KCNH8: variants seen among roughly 807,000 people sequenced by gnomAD.
KCNH8 encodes the protein voltage-gated delayed rectifier potassium channel KCNH8.
Under a neutral mutation model 103.6 loss-of-function variants are expected in KCNH8, and 70 were observed. That is an observed-to-expected ratio of 0.68 (90% confidence interval 0.56 to 0.82). KCNH8 has a LOEUF of 0.82. Among genes scored for constraint, KCNH8 ranks in the 40% least tolerant of loss-of-function variants. The pLI, the probability that KCNH8 is intolerant of heterozygous loss-of-function variation, is 0.00. For missense variants in KCNH8, 1,217 were observed against 1,329.9 expected, an observed-to-expected ratio of 0.92 and a Z score of 1.32; for synonymous variants, 498 against 489.4, an observed-to-expected ratio of 1.02 and a Z score of -0.23.
chr3:19,152,762 C>A lies in KCNH8; in HGVS notation c.76+3967C>A, dbSNP rs558455717. On this transcript the variant is annotated intron_variant, in intron 1 of 15. Transcript: ENST00000328405. ...ACCAGCCTGGCTGACATGGTGAAAC[C>A]CCATTTCTACTAAAAATACAAAAAT... 1.5e-3 allele frequency among the ~76,000 whole-genome samples: 232 copies of A among 152,046 alleles called. 3 individuals are homozygous for A. Among genetic ancestry groups the A allele is most frequent in the African/African-American group, 4.9e-3 (203 of 41,490 alleles).
chr3:19,320,446 T>A (rs1328687079), intron 3 of KCNH8, among the ~76,000 whole-genome samples: 5 of 152,094 alleles, frequency 3.3e-5, no homozygotes, highest in African/African-American at 4.8e-5. Context: ...ATTCTGTTTA[T>A]GTGGTGTATC....
At chr3:19,269,066 A>G (rs1220300460) in intron 2 of KCNH8, among the ~76,000 whole-genome samples, 2 of 152,106 alleles carry the variant, frequency 1.3e-5, no homozygotes, top group African/African-American at 4.8e-5. Flanking sequence ...ATGAAGGACT[A>G]GGGTGTGGAT....
rs548485515 is a variant in KCNH8, at chr3:19,497,568, G to T, written c.2041-12795G>T. On this transcript the variant is annotated intron_variant, in intron 11 of 15. Transcript: ENST00000328405. ...TATGGTTTTGAGAGATTTTCTTAAT[G>T]TTGATTTCTGTTTTTATGCACTGTG... 6.6e-5 allele frequency among the ~76,000 whole-genome samples: 10 copies of T among 152,240 alleles called. No homozygotes were observed. In the East Asian group the frequency reaches 1.4e-3, roughly 21 times the overall value.
intron 2 of KCNH8, among the ~76,000 whole-genome samples, chr3:19,279,446 C>T (rs546797028): frequency 6.6e-6 from 1 of 152,002 alleles, no homozygotes; most frequent in East Asian, 1.9e-4. Context: ...CGTTTCATGG[C>T]TAGTTAGTAT....
intron 1 of KCNH8, among the ~76,000 whole-genome samples, chr3:19,195,208 T>C (rs894362222): frequency 6.6e-6 from 1 of 151,842 alleles, no homozygotes; most frequent in Admixed American, 6.6e-5. Flanking sequence ...ATTATCTACA[T>C]CTGTGCCCTA....
intron 5 of KCNH8, among the ~76,000 whole-genome samples, chr3:19,361,189 A>G (rs553089855): frequency 4.6e-5 from 7 of 152,246 alleles, no homozygotes; most frequent in African/African-American, 1.7e-4. Context: ...TTGAGTGGGG[A>G]AAAACAACAA....
chr3:19,290,134 A>T (rs1054585324), intron 3 of KCNH8, among the ~76,000 whole-genome samples: 1 of 152,196 alleles, frequency 6.6e-6, no homozygotes, highest in African/African-American at 2.4e-5. Flanking sequence ...TATCAGCTTA[A>T]GGAGATTTTG....
In KCNH8 at chr3:19,515,368, A is replaced by G. The variant is rs762997462; in HGVS notation, c.2482A>G (p.Thr828Ala). The G allele has an allele frequency of 1.1e-5, 17 of 1,585,668 alleles. No individual in the cohort carries two copies. In the East Asian group the frequency reaches 2.8e-4, roughly 26 times the overall value. ...EDGNSSEESQTFDFGSERIRS... is the reference protein window; with the variant it reads ...EDGNSSEESQAFDFGSERIRS... ...TGGAAACAGCAGTGAAGAAAGTCAG[A>G]CTTTTGATTTTGGCTCTGAACGAAT... The change falls in exon 14 of 16, where the codon ACT (threonine) becomes GCT (alanine). Residue 828 changes from threonine (T) to alanine (A), a missense_variant. By Grantham distance (58) the Thr-to-Ala change is moderately conservative. This residue lies in a region of KCNH8 where 558 missense variants were observed against 495.8 expected (regional missense o/e 1.13). Coordinates refer to ENST00000328405, the MANE Select transcript of KCNH8 (RefSeq NM_144633.3).
chr3:19,315,794 A>T (rs1345201661), intron 3 of KCNH8, among the ~76,000 whole-genome samples: 1 of 151,970 alleles, frequency 6.6e-6, no homozygotes, highest in African/African-American at 2.4e-5. Flanking sequence ...CATAATTTGG[A>T]TGCAAGTGGT....
chr3:19,298,848 G>A (rs1397697620), intron 3 of KCNH8, among the ~76,000 whole-genome samples: 1 of 151,776 alleles, frequency 6.6e-6, no homozygotes, highest in Non-Finnish European at 1.5e-5. Context: ...CGTGAACCCG[G>A]GAGGCGCAGC....
At chr3:19,326,206 G>A (rs1292142577) in intron 3 of KCNH8, among the ~76,000 whole-genome samples, 1 of 151,840 alleles carries the variant, frequency 6.6e-6, no homozygotes, top group African/African-American at 2.4e-5. Flanking sequence ...TGGGAGGAGA[G>A]AGAAGATCCA....
At chr3:19,456,399 T>C (rs1358849674) in intron 10 of KCNH8, among the ~76,000 whole-genome samples, 1 of 151,932 alleles carries the variant, frequency 6.6e-6, no homozygotes, top group Non-Finnish European at 1.5e-5. Flanking sequence ...CAATAAAAAA[T>C]AAAAATTTTA....
intron 3 of KCNH8, among the ~76,000 whole-genome samples, chr3:19,311,910 T>G (rs916378636): frequency 6.6e-6 from 1 of 151,970 alleles, no homozygotes; most frequent in African/African-American, 2.4e-5. Flanking sequence ...AGTTTGGAAT[T>G]TTCTAGATTT....
intron 3 of KCNH8, 148 bp from the exon 4 acceptor site, chr3:19,342,439 A>C: frequency 1.6e-6 from 1 of 610,268 alleles, no homozygotes; most frequent in Non-Finnish European, 2.5e-6. Context: ...AAGGACTAAA[A>C]TTAAATTAAA....
intron 15 of KCNH8, among the ~76,000 whole-genome samples, chr3:19,520,547 G>T (rs932712196): frequency 6.6e-6 from 1 of 150,874 alleles, no homozygotes; most frequent in Non-Finnish European, 1.5e-5. Context: ...TCTGTAAAGA[G>T]TTTATATAGA....
At chr3:19,504,966 G>GATATAT (rs147882746) in intron 11 of KCNH8, among the ~76,000 whole-genome samples, 3 of 146,060 alleles carry the variant, frequency 2.1e-5, no homozygotes, top group East Asian at 2.0e-4. Flanking sequence ...GAAAATGTGA[G>GATATAT]ATATATATAT....
chr3:19,149,274 C>G (rs2063105231), intron 1 of KCNH8, among the ~76,000 whole-genome samples: 1 of 152,008 alleles, frequency 6.6e-6, no homozygotes, highest in Admixed American at 6.6e-5. Flanking sequence ...GCAGGATTGC[C>G]AAGTGTAAGC....
Position 19,275,398 on chromosome 3 carries a change from C to A in KCNH8, c.311-5800C>A, listed in dbSNP as rs374530494. 3.7e-4 allele frequency among the ~76,000 whole-genome samples: 57 copies of A among 152,106 alleles called. 1 individual carries two copies. Among genetic ancestry groups the A allele is most frequent in the Admixed American group, 1.6e-3 (24 of 15,280 alleles). Reference sequence around the variant, plus strand: ...GTCAGTTCATCTCCTGTCTACCCCCCACGCTGCCCTCCACTGTTACACAGG... The same window carrying A: ...GTCAGTTCATCTCCTGTCTACCCCCAACGCTGCCCTCCACTGTTACACAGG... On this transcript the variant is annotated intron_variant, in intron 2 of 15. Coordinates refer to ENST00000328405, the MANE Select transcript of KCNH8 (RefSeq NM_144633.3).
At chr3:19,402,351 A>G (rs1338663844) in intron 7 of KCNH8, among the ~76,000 whole-genome samples, 1 of 151,998 alleles carries the variant, frequency 6.6e-6, no homozygotes, top group African/African-American at 2.4e-5. Flanking sequence ...TTTTAAAAAT[A>G]TAGGACATCA....
Sources: gnomAD v4.1 joint callset for allele counts (sites outside exome capture counted in the v4.1 genomes callset) on GRCh38, gnomAD v4.1.1 for gene constraint, gnomAD v4.1.1 regional missense constraint, MANE v1.5 for transcripts, NCBI Gene and HGNC (gene_info 2026-07-23, HGNC 2026-07-21) for gene names.